Variants in EYS observed in about 807,000 individuals in gnomAD.
The protein encoded by EYS is protein eyes shut homolog.
In EYS, 250 loss-of-function variants were observed where a neutral mutation model predicts 282.1. The ratio of observed to expected loss-of-function variants is 0.89; its 90% CI spans 0.80 to 0.98. The LOEUF (loss-of-function observed/expected upper bound fraction) is 0.98, where lower values mean the gene tolerates loss of function less well. Ranked by LOEUF, EYS falls within the 50% of genes least tolerant of loss-of-function variation. The probability of loss-of-function intolerance (pLI) is 0.00; values close to 1 mark genes in which losing one functional copy is unlikely to be tolerated. For missense variants in EYS, 4,016 were observed against 3,709.0 expected, an observed-to-expected ratio of 1.08 and a Z score of -2.15; for synonymous variants, 1,355 against 1,282.9, an observed-to-expected ratio of 1.06 and a Z score of -1.20.
intron 2 of EYS, among the ~76,000 whole-genome samples, chr6:65,601,626 G>T (rs79803152): frequency 1.6e-3 from 241 of 152,022 alleles, no homozygotes; most frequent in African/African-American, 5.5e-3. Flanking sequence ...AGAGATCTAA[G>T]ATGGAATAAT....
chr6:65,661,999 A>C (rs1768021216), intron 1 of EYS, among the ~76,000 whole-genome samples: 1 of 152,118 alleles, frequency 6.6e-6, no homozygotes, highest in Non-Finnish European at 1.5e-5. Flanking sequence ...AAAGTTAATA[A>C]TCACCAGAGA....
chr6:63,806,173 G>C lies in EYS; in HGVS notation c.7411+17C>G. 6.5e-7 allele frequency: 1 copy of C among 1,546,604 alleles called. No individual in the cohort carries two copies. The highest frequency in any genetic ancestry group is 8.7e-7 in the Non-Finnish European group (1 of 1,142,918). ...TAAAGGAGCGAGGCAAGTCCTAGAG[G>C]GTTCAGTTAATCTTACCATGGCCTT... On this transcript the variant is annotated intron_variant, in intron 37 of 42. Coordinates refer to ENST00000503581, the MANE Select transcript of EYS (RefSeq NM_001142800.2).
At chr6:64,687,444 T>A (rs1770196520) in intron 22 of EYS, among the ~76,000 whole-genome samples, 1 of 152,206 alleles carries the variant, frequency 6.6e-6, no homozygotes, top group African/African-American at 2.4e-5. Context: ...TGTTGAATTT[T>A]GTTGAAGGCC....
intron 26 of EYS, among the ~76,000 whole-genome samples, chr6:64,450,215 C>T (rs1031535972): frequency 1.3e-5 from 2 of 151,852 alleles, no homozygotes; most frequent in East Asian, 1.9e-4. Flanking sequence ...ATCCTAGTCT[C>T]TGATAAAACA....
chr6:64,056,259 GT>G (rs574852349), intron 33 of EYS, among the ~76,000 whole-genome samples: 290 of 152,216 alleles, frequency 1.9e-3, no homozygotes, highest in African/African-American at 6.7e-3. Flanking sequence ...CAGTTATTAA[GT>G]TTCAGGGGCT....
chr6:63,995,952 T>C (rs1218225956), intron 34 of EYS, among the ~76,000 whole-genome samples: 1 of 152,050 alleles, frequency 6.6e-6, no homozygotes, highest in Non-Finnish European at 1.5e-5. Flanking sequence ...ATTTTCAATT[T>C]CTTACCACAA....
chr6:65,702,325 CAG>C, intron 1 of EYS, among the ~76,000 whole-genome samples: 1 of 152,282 alleles, frequency 6.6e-6, no homozygotes, highest in East Asian at 1.9e-4. Flanking sequence ...AGCTTAATGA[CAG>C]TATTTACACT....
chr6:65,026,744 T>C (rs6455023), intron 13 of EYS, among the ~76,000 whole-genome samples: 90,841 of 151,698 alleles, frequency 0.6, 29,604 homozygotes, highest in African/African-American at 0.88. Flanking sequence ...AGTGAAACCC[T>C]GTCTCTACTA....
intron 36 of EYS, among the ~76,000 whole-genome samples, chr6:63,829,395 A>T (rs1771562538): frequency 6.6e-6 from 1 of 152,154 alleles, no homozygotes; most frequent in South Asian, 2.1e-4. Flanking sequence ...GTCTTAGCAA[A>T]TGGCACACCA....
chr6:64,448,904 G>GA (rs914855049), intron 26 of EYS, among the ~76,000 whole-genome samples: 1 of 152,170 alleles, frequency 6.6e-6, no homozygotes, highest in African/African-American at 2.4e-5. Flanking sequence ...CAAAGATGGG[G>GA]AAAAAACAGA....
intron 12 of EYS, among the ~76,000 whole-genome samples, chr6:65,146,880 AAAGT>A (rs1259786546): frequency 3.3e-5 from 5 of 151,982 alleles, no homozygotes; most frequent in African/African-American, 1.2e-4. Flanking sequence ...AAACGTTGTC[AAAGT>A]AAGTATATGG....
At chr6:65,400,583 A>G (rs1393346327) in intron 7 of EYS, among the ~76,000 whole-genome samples, 2 of 151,924 alleles carry the variant, frequency 1.3e-5, no homozygotes, top group Non-Finnish European at 2.9e-5. Flanking sequence ...CTGATTTTTA[A>G]CTACTGGAGA....
intron 2 of EYS, among the ~76,000 whole-genome samples, chr6:65,550,110 C>A (rs1420315028): frequency 7.5e-5 from 11 of 147,184 alleles, no homozygotes; most frequent in Non-Finnish European, 1.7e-4. Flanking sequence ...TTCCCCTAAG[C>A]CTGTCAGAAG....
rs960044615 is a variant in EYS at position 65,473,952 on chromosome 6, T to C, written c.862+16642A>G. On this transcript the variant is annotated intron_variant, in intron 5 of 42. Coordinates refer to ENST00000503581, the MANE Select transcript of EYS (RefSeq NM_001142800.2). ...GTAATGATGAGGTTCTTGGGACTTT[T>C]GTGGATGAGTTGCTACATTAAAGTG... Among the ~76,000 whole-genome samples the C allele has an allele frequency of 3.9e-5, 6 of 152,004 alleles. 1 individual carries two copies. In the East Asian group the frequency reaches 1.2e-3, roughly 29 times the overall value.
intron 26 of EYS, among the ~76,000 whole-genome samples, chr6:64,578,574 T>C (rs1410148158): frequency 6.6e-6 from 1 of 151,470 alleles, no homozygotes; most frequent in African/African-American, 2.4e-5. Context: ...TTTTCTTTTA[T>C]CACATTCTCT....
At chr6:65,511,658 A>T (rs1766872256) in intron 2 of EYS, among the ~76,000 whole-genome samples, 1 of 152,104 alleles carries the variant, frequency 6.6e-6, no homozygotes. Context: ...TGTCAAAAAG[A>T]TCCAATAACT....
intron 22 of EYS, among the ~76,000 whole-genome samples, chr6:64,797,849 T>C (rs1333605174): frequency 6.6e-6 from 1 of 152,012 alleles, no homozygotes; most frequent in Non-Finnish European, 1.5e-5. Flanking sequence ...AATCCACAAA[T>C]GCAAATTGTC....
At chr6:64,270,856 C>T (rs1205539429) in intron 30 of EYS, among the ~76,000 whole-genome samples, 3 of 152,028 alleles carry the variant, frequency 2.0e-5, no homozygotes, top group Admixed American at 2.0e-4. Flanking sequence ...GTTTTGATCC[C>T]CAACTGAAAC....
At chr6:65,622,205 C>G (rs1476797368) in intron 2 of EYS, among the ~76,000 whole-genome samples, 1 of 152,156 alleles carries the variant, frequency 6.6e-6, no homozygotes, top group African/African-American at 2.4e-5. Flanking sequence ...GTTTTCTTCA[C>G]ACAGGTTAGA....
Sources: allele counts gnomAD v4.1 joint callset (sites outside exome capture counted in the v4.1 genomes callset), GRCh38; gene constraint gnomAD v4.1.1; transcripts MANE v1.5; gene names NCBI Gene and HGNC (gene_info 2026-07-23, HGNC 2026-07-21).